Variants in NCK2 observed in about 807,000 individuals in gnomAD.
The protein encoded by NCK2 is cytoplasmic protein NCK2.
Under a neutral mutation model 33.9 loss-of-function variants are expected in NCK2, and 16 were observed. The observed-to-expected ratio is 0.47, with a 90% CI of 0.32 to 0.72. NCK2 has a LOEUF of 0.72. NCK2 is among the 30% of genes least tolerant of loss of function. The probability of loss-of-function intolerance (pLI) is 0.03; values close to 1 mark genes in which losing one functional copy is unlikely to be tolerated. For missense variants in NCK2, 418 were observed against 537.3 expected (o/e 0.78, Z 2.19); for synonymous variants, 273 against 239.9 (o/e 1.14, Z -1.27).
At chr2:105,871,953 G>A (rs139405514) in intron 3 of NCK2, among the ~76,000 whole-genome samples, 2,221 of 152,280 alleles carry the variant, frequency 0.015, 24 homozygotes, top group Non-Finnish European at 0.022. Flanking sequence ...CTGAGATTTC[G>A]TGCAAGGGAA....
At chr2:105,885,120 C>T (rs1194767962) in intron 4 of NCK2, among the ~76,000 whole-genome samples, 1 of 152,170 alleles carries the variant, frequency 6.6e-6, no homozygotes, top group Non-Finnish European at 1.5e-5. Flanking sequence ...GCTGCATCTC[C>T]CATCCTTGTA....
At chr2:105,744,865 TCGCCGCCGCCGCCGCCGCCGC>T (rs1170930281), upstream of NCK2, 7 of 153,268 alleles carry the variant, frequency 4.6e-5, no homozygotes, top group Non-Finnish European at 6.7e-5. Context: ...CGGGGGAGGG[TCGCCGCCGCCGCCGCCGCCGC>T]CGCCGCCGCT....
At chr2:105,857,904 AACTTCTGTGC>A (rs1304074698) in intron 3 of NCK2, among the ~76,000 whole-genome samples, 1 of 152,206 alleles carries the variant, frequency 6.6e-6, no homozygotes, top group Non-Finnish European at 1.5e-5. Flanking sequence ...ATCATGCAGT[AACTTCTGTGC>A]ACTTCTGTGC....
chr2:105,746,908 T>TG (rs1689306411), intron 1 of NCK2, among the ~76,000 whole-genome samples: 2 of 152,230 alleles, frequency 1.3e-5, no homozygotes, highest in South Asian at 4.1e-4. Flanking sequence ...GCCCACTTCC[T>TG]GTCCCGGAGG....
chr2:105,835,592 A>G (rs1382999389), intron 2 of NCK2, among the ~76,000 whole-genome samples: 1 of 151,050 alleles, frequency 6.6e-6, no homozygotes, highest in East Asian at 1.9e-4. Context: ...TGACAGTTGA[A>G]CTGCAATGTG....
At chr2:105,864,988 C>T (rs1178579958) in intron 3 of NCK2, among the ~76,000 whole-genome samples, 3 of 152,112 alleles carry the variant, frequency 2.0e-5, no homozygotes, top group Non-Finnish European at 4.4e-5. Flanking sequence ...AACTAAAAAG[C>T]GGTCACCAGA....
At chr2:105,818,283 T>TGGGGGGA (rs79799777) in intron 2 of NCK2, among the ~76,000 whole-genome samples, 51,297 of 63,088 alleles carry the variant, frequency 0.81, 20,872 homozygotes, top group Admixed American at 0.85. Context: ...TGTTTTGGGG[T>TGGGGGGA]GGGGGGAGGG....
At chr2:105,745,581 G>A (rs1327992307) in intron 1 of NCK2, 1 of 152,482 alleles carries the variant, frequency 6.6e-6, no homozygotes, top group Admixed American at 6.5e-5. Context: ...GTGTGCCGGG[G>A]AAGAATAGCC....
At chr2:105,883,343 A>G (rs1425770557) in intron 4 of NCK2, among the ~76,000 whole-genome samples, 3 of 152,230 alleles carry the variant, frequency 2.0e-5, no homozygotes, top group Non-Finnish European at 4.4e-5. Context: ...TCAATCGAGC[A>G]GAAACTTAGA....
At chr2:105,783,586 G>A (rs897654248) in intron 1 of NCK2, among the ~76,000 whole-genome samples, 1 of 152,266 alleles carries the variant, frequency 6.6e-6, no homozygotes, top group Middle Eastern at 3.4e-3. Flanking sequence ...GAAGGCAGCC[G>A]TTCGCGGAGA....
upstream of NCK2, chr2:105,744,857 G>C (rs1221846728): frequency 6.1e-5 from 9 of 146,508 alleles, no homozygotes; most frequent in Non-Finnish European, 1.1e-4. Flanking sequence ...CTGCGCGCCG[G>C]GGGAGGGTCG....
chr2:105,785,214 A>G (rs1256797675), intron 1 of NCK2, among the ~76,000 whole-genome samples: 1 of 152,138 alleles, frequency 6.6e-6, no homozygotes, highest in Non-Finnish European at 1.5e-5. Context: ...TCCTGACCTC[A>G]TGATCCGCCC....
intron 2 of NCK2, among the ~76,000 whole-genome samples, chr2:105,850,935 G>GTTGGGTT (rs1677040574): frequency 6.6e-6 from 1 of 152,198 alleles, no homozygotes; most frequent in Admixed American, 6.5e-5. Context: ...ACATGGTCCT[G>GTTGGGTT]TTGGGTTTTA....
intron 1 of NCK2, among the ~76,000 whole-genome samples, chr2:105,812,519 G>A (rs1343638880): frequency 6.6e-6 from 1 of 152,246 alleles, no homozygotes; most frequent in African/African-American, 2.4e-5. Flanking sequence ...TGGCACTGCC[G>A]CCTCCGTACT....
At position 105,777,906 on chromosome 2, in the gene NCK2, G is replaced by GCAC. The variant is rs377275751; in HGVS notation, c.-201+32770_-201+32772dup. ...GACAGCTCACAGGATTCCAGCAGCA[G>GCAC]CACCTTGGTTTCGCCTAGCCGTTCA... On this transcript the variant is annotated intron_variant, in intron 1 of 4. Coordinates refer to ENST00000233154, the MANE Select transcript of NCK2 (RefSeq NM_003581.5). 1.2e-3 allele frequency among the ~76,000 whole-genome samples: 177 copies of GCAC among 152,320 alleles called. 1 individual carries two copies. The highest frequency in any genetic ancestry group is 4.2e-3 in the African/African-American group (173 of 41,576).
At chr2:105,820,456 G>C (rs1375366644) in intron 2 of NCK2, among the ~76,000 whole-genome samples, 1 of 152,158 alleles carries the variant, frequency 6.6e-6, no homozygotes, top group Admixed American at 6.5e-5. Flanking sequence ...GGAGGATGGC[G>C]GTGTCTGAGG....
intron 1 of NCK2, among the ~76,000 whole-genome samples, chr2:105,756,172 C>G (rs1689594289): frequency 6.6e-6 from 1 of 152,230 alleles, no homozygotes; most frequent in Admixed American, 6.5e-5. Context: ...TTCCCTTGGT[C>G]TTCTCACTGT....
intron 4 of NCK2, among the ~76,000 whole-genome samples, chr2:105,892,451 T>G (rs1442899682): frequency 6.6e-6 from 1 of 152,184 alleles, no homozygotes; most frequent in South Asian, 2.1e-4. Context: ...GAAACTGGGC[T>G]AAGCAGAATT....
chr2:105,862,203 G>A lies in NCK2; in HGVS notation c.226+6914G>A, dbSNP rs555617735. On this transcript the variant is annotated intron_variant, in intron 3 of 4. Coordinates refer to ENST00000233154, the MANE Select transcript of NCK2 (RefSeq NM_003581.5). ...TCAGTGGTAAAGACTCTAGAATTAT[G>A]TCTAGGAAGAATTAGAGGGCTTCAG... 2.9e-3 allele frequency among the ~76,000 whole-genome samples: 447 copies of A among 152,270 alleles called. 2 individuals carry two copies. Among genetic ancestry groups the A allele is most frequent in the Non-Finnish European group, 4.6e-3 (310 of 68,032 alleles).
Sources: gnomAD v4.1 joint callset for allele counts (sites outside exome capture counted in the v4.1 genomes callset) on GRCh38, gnomAD v4.1.1 for gene constraint, MANE v1.5 for transcripts, NCBI Gene and HGNC (gene_info 2026-07-23, HGNC 2026-07-21) for gene names.